Variants in PPP4R4 observed in about 807,000 individuals in gnomAD.
PPP4R4 encodes protein phosphatase 4 regulatory subunit 4, also known as serine/threonine-protein phosphatase 4 regulatory subunit 4.
PPP4R4 carries 70 observed loss-of-function variants against 121.8 expected under a neutral mutation model. The ratio of observed to expected loss-of-function variants is 0.57; its 90% CI spans 0.47 to 0.70. The LOEUF (loss-of-function observed/expected upper bound fraction) is 0.70, where lower values mean the gene tolerates loss of function less well. PPP4R4 is among the 30% of genes least tolerant of loss of function. The pLI is 0.00. For missense variants in PPP4R4, 875 were observed against 1,033.6 expected, an observed-to-expected ratio of 0.85 and a Z score of 2.10; for synonymous variants, 348 against 355.7, an observed-to-expected ratio of 0.98 and a Z score of 0.24.
At chr14:94,240,258 T>C (rs1892557396) in intron 8 of PPP4R4, among the ~76,000 whole-genome samples, 1 of 152,182 alleles carries the variant, frequency 6.6e-6, no homozygotes, top group African/African-American at 2.4e-5. Context: ...AATGATAAAA[T>C]GGGCTTAAGC....
chr14:94,270,644 G>A (rs1435020750), intron 23 of PPP4R4, among the ~76,000 whole-genome samples: 1 of 152,118 alleles, frequency 6.6e-6, no homozygotes, highest in Non-Finnish European at 1.5e-5. Flanking sequence ...ATTCATCCAG[G>A]TGCAGTGGCT....
chr14:94,230,074 C>T (rs766652230), intron 3 of PPP4R4, among the ~76,000 whole-genome samples: 1 of 152,118 alleles, frequency 6.6e-6, no homozygotes, highest in Non-Finnish European at 1.5e-5. Flanking sequence ...CAGTTTACTT[C>T]ATGGTAATTT....
At chr14:94,201,679 C>T (rs11844308) in intron 2 of PPP4R4, among the ~76,000 whole-genome samples, 4,688 of 152,142 alleles carry the variant, frequency 0.031, 197 homozygotes, top group African/African-American at 0.09. Context: ...ATATCTTTTT[C>T]TACCCCTTTA....
chr14:94,265,711 G>T, intron 21 of PPP4R4, 83 bp from the exon 22 acceptor site: 1 of 1,039,244 alleles, frequency 9.6e-7, no homozygotes, highest in African/African-American at 1.6e-5. Flanking sequence ...TACTGAAAAT[G>T]ATGGTAGTTG....
chr14:94,229,336 T>A (rs1046606580), intron 3 of PPP4R4, among the ~76,000 whole-genome samples: 1 of 152,066 alleles, frequency 6.6e-6, no homozygotes, highest in Non-Finnish European at 1.5e-5. Flanking sequence ...CTTTTGACTG[T>A]GGGGAGTGAG....
At chr14:94,237,425 G>A in intron 7 of PPP4R4, 140 bp from the exon 8 acceptor site, 1 of 697,332 alleles carries the variant, frequency 1.4e-6, no homozygotes, top group Non-Finnish European at 2.3e-6. Context: ...CAATAAGACT[G>A]AAAGCTTCTG....
chr14:94,174,661 C>G, intron 1 of PPP4R4, 79 bp downstream of exon 1: 8 of 1,546,578 alleles, frequency 5.2e-6, no homozygotes, highest in Non-Finnish European at 7.0e-6. Context: ...CTCTGCCCCA[C>G]GCCACCACCC....
chr14:94,212,764 G>T (rs1018700030), intron 3 of PPP4R4, among the ~76,000 whole-genome samples: 2 of 152,022 alleles, frequency 1.3e-5, no homozygotes, highest in East Asian at 1.9e-4. Flanking sequence ...AGAAGTGAAA[G>T]AATTTGATTG....
intron 2 of PPP4R4, among the ~76,000 whole-genome samples, chr14:94,186,427 C>T (rs1036018701): frequency 2.0e-5 from 3 of 152,200 alleles, no homozygotes; most frequent in Middle Eastern, 3.4e-3. Flanking sequence ...TTGCCTATAT[C>T]GTTAATTTAC....
chr14:94,209,796 C>T (rs1890648478), intron 3 of PPP4R4, among the ~76,000 whole-genome samples: 1 of 152,038 alleles, frequency 6.6e-6, no homozygotes, highest in Admixed American at 6.6e-5. Context: ...TGTAAGTAAG[C>T]AAATTAGATT....
chr14:94,243,158 T>C (rs997544327), intron 11 of PPP4R4, among the ~76,000 whole-genome samples: 1 of 152,190 alleles, frequency 6.6e-6, no homozygotes, highest in Non-Finnish European at 1.5e-5. Flanking sequence ...CATAGCATCA[T>C]TATTAATGTT....
chr14:94,255,591 ACT>A (rs1370787695), intron 16 of PPP4R4, among the ~76,000 whole-genome samples: 1 of 144,222 alleles, frequency 6.9e-6, no homozygotes, highest in Admixed American at 6.8e-5. Flanking sequence ...ACAGAGCAAG[ACT>A]CTGTCTCAAA....
intron 13 of PPP4R4, 81 bp downstream of exon 13, chr14:94,245,751 G>A: frequency 9.8e-7 from 1 of 1,016,150 alleles, no homozygotes. Flanking sequence ...ATCAATGAAA[G>A]AATGTTTGGA....
chr14:94,275,221 C>T (rs1348307740), intron 23 of PPP4R4, among the ~76,000 whole-genome samples, 153 bp from the exon 24 acceptor site: 3 of 152,090 alleles, frequency 2.0e-5, no homozygotes, highest in Non-Finnish European at 4.4e-5. Flanking sequence ...ATGTCAAAAC[C>T]TTAACTTTTT....
At chr14:94,232,146 A>G (rs1260448867) in intron 5 of PPP4R4, among the ~76,000 whole-genome samples, 1 of 152,192 alleles carries the variant, frequency 6.6e-6, no homozygotes, top group African/African-American at 2.4e-5. Context: ...ACTCTTCTCT[A>G]AAGACTTTAA....
At chr14:94,204,508 G>T (rs1890359326) in intron 2 of PPP4R4, among the ~76,000 whole-genome samples, 1 of 151,906 alleles carries the variant, frequency 6.6e-6, no homozygotes, top group Non-Finnish European at 1.5e-5. Flanking sequence ...CTTAACAGTG[G>T]GTGGACACAA....
intron 5 of PPP4R4, among the ~76,000 whole-genome samples, chr14:94,231,990 T>C (rs1346947801): frequency 6.7e-6 from 1 of 149,618 alleles, no homozygotes; most frequent in Non-Finnish European, 1.5e-5. Flanking sequence ...CAGTTTCTCT[T>C]TATTCCTTTG....
intron 3 of PPP4R4, among the ~76,000 whole-genome samples, chr14:94,220,110 T>C (rs767233428): frequency 2.0e-5 from 3 of 152,104 alleles, no homozygotes; most frequent in Non-Finnish European, 2.9e-5. Flanking sequence ...TAATCCCAGC[T>C]ACTCAGGAAG....
At chr14:94,214,293 G>A (rs1394433144) in intron 3 of PPP4R4, among the ~76,000 whole-genome samples, 4 of 152,166 alleles carry the variant, frequency 2.6e-5, no homozygotes, top group African/African-American at 9.7e-5. Flanking sequence ...GTTCGAGAGA[G>A]ACTTTTTGGG....
Sources: allele counts gnomAD v4.1 joint callset (sites outside exome capture counted in the v4.1 genomes callset), GRCh38; gene constraint gnomAD v4.1.1; transcripts MANE v1.5; gene names NCBI Gene and HGNC (gene_info 2026-07-23, HGNC 2026-07-21).